The following IL1RAPL2 variants were observed in gnomAD, a reference collection of about 807,000 sequenced individuals.
IL1RAPL2 encodes interleukin 1 receptor accessory protein like 2.
In IL1RAPL2, 3 loss-of-function variants were observed where a neutral mutation model predicts 44.1. That is an observed-to-expected ratio of 0.07 (90% CI 0.03 to 0.18). The LOEUF (loss-of-function observed/expected upper bound fraction) is 0.18. Among genes scored for constraint, IL1RAPL2 ranks in the 10% least tolerant of loss-of-function variants. The probability of loss-of-function intolerance (pLI) is 1.00; values close to 1 mark genes in which losing one functional copy is unlikely to be tolerated. For missense variants in IL1RAPL2, 391 were observed against 496.4 expected (o/e 0.79, Z 2.02); for synonymous variants, 181 against 178.8 (o/e 1.01, Z -0.10).
At chrX:104,613,399 C>CT (rs1208348361) in intron 1 of IL1RAPL2, among the ~76,000 whole-genome samples, 1 of 111,598 alleles carries the variant, frequency 9.0e-6, no homozygotes, top group African/African-American at 3.3e-5. Context: ...TTATTGAAAA[C>CT]TTTTTCTGTG....
chrX:105,408,875 G>C (rs1032705950), intron 5 of IL1RAPL2, among the ~76,000 whole-genome samples: 1 of 8,466 alleles, frequency 1.2e-4, no homozygotes, highest in Non-Finnish European at 5.0e-4. Flanking sequence ...GATATAAAGT[G>C]TTGAAAAAAA....
intron 2 of IL1RAPL2, among the ~76,000 whole-genome samples, chrX:104,662,747 A>G (rs1246675881): frequency 9.0e-6 from 1 of 111,531 alleles, no homozygotes; most frequent in Non-Finnish European, 1.9e-5. Flanking sequence ...CATCCCCTTA[A>G]CTTTCTTTTG....
chrX:105,660,503 G>T (rs1220956136), intron 6 of IL1RAPL2, among the ~76,000 whole-genome samples: 1 of 111,384 alleles, frequency 9.0e-6, no homozygotes, highest in African/African-American at 3.3e-5. Context: ...ATTGTGGTAT[G>T]TTAACTACTC....
At chrX:104,810,167 A>G (rs1314267899) in intron 2 of IL1RAPL2, among the ~76,000 whole-genome samples, 1 of 109,914 alleles carries the variant, frequency 9.1e-6, no homozygotes, top group Non-Finnish European at 1.9e-5. Flanking sequence ...CACAAGAACA[A>G]AAAACCAAAC....
intron 5 of IL1RAPL2, among the ~76,000 whole-genome samples, chrX:105,305,966 A>C (rs1361862338): frequency 1.8e-5 from 2 of 111,110 alleles, no homozygotes; most frequent in African/African-American, 6.5e-5. Flanking sequence ...ATGTCTAAGG[A>C]ATTGGATGAT....
At chrX:104,672,796 G>A (rs1268723629) in intron 2 of IL1RAPL2, among the ~76,000 whole-genome samples, 1 of 109,445 alleles carries the variant, frequency 9.1e-6, no homozygotes, top group Admixed American at 9.7e-5. Context: ...ATTCTAACTG[G>A]TGTGAGATGG....
chrX:104,620,639 CAAAAAAAAA>C (rs771769782), intron 1 of IL1RAPL2, among the ~76,000 whole-genome samples: 1 of 14,584 alleles, frequency 6.9e-5, no homozygotes, highest in Admixed American at 1.6e-3. Flanking sequence ...GAGTCTGTCT[CAAAAAAAAA>C]AAAAAAAAAA....
chrX:104,761,803 TCTC>T (rs1932432853), intron 2 of IL1RAPL2, among the ~76,000 whole-genome samples: 1 of 98,427 alleles, frequency 1.0e-5, no homozygotes, highest in Admixed American at 1.1e-4. Flanking sequence ...AGTCAAATCA[TCTC>T]CTTCTCTTTC....
intron 2 of IL1RAPL2, among the ~76,000 whole-genome samples, chrX:105,077,234 G>A (rs1468245676): frequency 9.0e-6 from 1 of 111,399 alleles, no homozygotes; most frequent in Admixed American, 9.6e-5. Context: ...TTTAGGGCAG[G>A]CCTGGTGGTG....
At chrX:104,962,174 A>G (rs993289118) in intron 2 of IL1RAPL2, among the ~76,000 whole-genome samples, 20 of 111,956 alleles carry the variant, frequency 1.8e-4, no homozygotes, top group African/African-American at 6.2e-4. Context: ...TTGGGCAATC[A>G]AGTTATAAAA....
chrX:105,145,419 C>T (rs2033170852), intron 2 of IL1RAPL2, among the ~76,000 whole-genome samples: 1 of 111,509 alleles, frequency 9.0e-6, no homozygotes, highest in African/African-American at 3.3e-5. Context: ...TAGAATTCCC[C>T]TGCAATCGGT....
intron 2 of IL1RAPL2, among the ~76,000 whole-genome samples, chrX:104,851,102 G>A (rs778816973): frequency 1.5e-3 from 169 of 110,794 alleles, no homozygotes; most frequent in Non-Finnish European, 2.8e-3. Context: ...TTTCGATGGC[G>A]TCGACTACCC....
At chrX:105,490,126 C>A (rs945895929) in intron 6 of IL1RAPL2, among the ~76,000 whole-genome samples, 2 of 111,509 alleles carry the variant, frequency 1.8e-5, no homozygotes, top group African/African-American at 6.5e-5. Flanking sequence ...TCGAGCCTGG[C>A]CGATAATTTT....
intron 3 of IL1RAPL2, among the ~76,000 whole-genome samples, chrX:105,211,506 C>A (rs1025453996): frequency 9.0e-6 from 1 of 111,314 alleles, no homozygotes; most frequent in Non-Finnish European, 1.9e-5. Context: ...TCACTCAGAT[C>A]ATGAATGAAC....
Position 105,070,460 on chromosome X carries a change from G to A in IL1RAPL2, c.83-125015G>A, listed in dbSNP as rs141330433. Among the ~76,000 whole-genome samples, 239 of 111,335 alleles carry A rather than the reference G, an allele frequency of 2.1e-3. 2 individuals are homozygous for A. Among genetic ancestry groups the A allele is most frequent in the Non-Finnish European group, 1.9e-3 (101 of 53,122 alleles). On this transcript the variant is annotated intron_variant, in intron 2 of 10. Transcript: ENST00000372582. ...TATAATACCAGCACTTTGGGAGGCT[G>A]AGGCAGGTGGATCACTTGAGGTTAG...
At chrX:104,667,791 A>G (rs926148732) in intron 2 of IL1RAPL2, among the ~76,000 whole-genome samples, 1 of 111,920 alleles carries the variant, frequency 8.9e-6, no homozygotes. Flanking sequence ...TCCAAAGTTT[A>G]TGCTCTTTCC....
chrX:105,137,574 G>A (rs998539511), intron 2 of IL1RAPL2, among the ~76,000 whole-genome samples: 2 of 112,274 alleles, frequency 1.8e-5, no homozygotes, highest in Non-Finnish European at 3.8e-5. Flanking sequence ...ATGCAACTCT[G>A]TAATGCTTTC....
intron 5 of IL1RAPL2, chrX:105,406,680 A>G: frequency 1.8e-6 from 2 of 1,140,921 alleles, no homozygotes; most frequent in Non-Finnish European, 2.4e-6. Flanking sequence ...TCTCTGGATC[A>G]GTACTTAACT....
chrX:104,848,959 T>G, intron 2 of IL1RAPL2, among the ~76,000 whole-genome samples: 1 of 111,436 alleles, frequency 9.0e-6, no homozygotes, highest in East Asian at 2.8e-4. Flanking sequence ...ATTTTTCAAT[T>G]ATATGAAAAG....
Sources: gnomAD v4.1 joint callset for allele counts (sites outside exome capture counted in the v4.1 genomes callset) on GRCh38, gnomAD v4.1.1 for gene constraint, MANE v1.5 for transcripts, NCBI Gene and HGNC (gene_info 2026-07-23, HGNC 2026-07-21) for gene names.